VPS37C: variants seen among roughly 807,000 people sequenced by gnomAD.
VPS37C encodes the protein VPS37C subunit of ESCRT-I, also known as vacuolar protein sorting-associated protein 37C.
A neutral mutation model predicts 16.1 loss-of-function variants in VPS37C; 9 were observed. The ratio of observed to expected loss-of-function variants is 0.56; its 90% CI spans 0.34 to 0.97. VPS37C has a LOEUF of 0.97. VPS37C is among the 50% of genes least tolerant of loss of function. The pLI, the probability that VPS37C is intolerant of heterozygous loss-of-function variation, is 0.02. For synonymous variants in VPS37C, 207 were observed against 206.4 expected, an observed-to-expected ratio of 1.00 and a Z score of -0.02; for missense variants, 479 against 472.7, an observed-to-expected ratio of 1.01 and a Z score of -0.12.
chr11:61,149,262 G>C (rs1419649940), intron 1 of VPS37C, among the ~76,000 whole-genome samples: 1 of 152,100 alleles, frequency 6.6e-6, no homozygotes, highest in Non-Finnish European at 1.5e-5. Flanking sequence ...TCCCAGCCTC[G>C]GCGACAGAGC....
At chr11:61,152,407 G>T (rs551244580) in intron 1 of VPS37C, among the ~76,000 whole-genome samples, 49 of 152,224 alleles carry the variant, frequency 3.2e-4, no homozygotes, top group African/African-American at 1.2e-3. Context: ...CAAACAAAGG[G>T]TGGCAAAGCT....
intron 2 of VPS37C, among the ~76,000 whole-genome samples, chr11:61,135,737 T>C (rs1565191863): frequency 2.6e-5 from 4 of 152,330 alleles, no homozygotes; most frequent in African/African-American, 7.2e-5. Context: ...TAATTTTTAT[T>C]AGCCATGGAA....
chr11:61,154,656 A>G (rs1384071964), intron 1 of VPS37C, among the ~76,000 whole-genome samples: 2 of 152,240 alleles, frequency 1.3e-5, no homozygotes, highest in Admixed American at 6.5e-5. Flanking sequence ...GAATAAAAAA[A>G]ATATTTGCAG....
intron 2 of VPS37C, among the ~76,000 whole-genome samples, chr11:61,137,626 C>T (rs1590785928): frequency 6.6e-6 from 1 of 152,210 alleles, no homozygotes; most frequent in African/African-American, 2.4e-5. Context: ...CCTGGCAGAG[C>T]TCACAGCCTC....
intron 1 of VPS37C, among the ~76,000 whole-genome samples, chr11:61,154,911 C>A (rs949030351): frequency 1.3e-5 from 2 of 151,512 alleles, no homozygotes; most frequent in African/African-American, 2.4e-5. Flanking sequence ...TTTCGACCAC[C>A]CTGGGCAACA....
Position 61,141,779 on chromosome 11 carries a change from C to T in VPS37C, c.-6-2944G>A, listed in dbSNP as rs535628709. Among the ~76,000 whole-genome samples the T allele has an allele frequency of 8.5e-5, 13 of 152,380 alleles. No individual in the cohort carries two copies. The East Asian group carries it at 2.5e-3, about 29-fold the overall frequency. ...GCCACAGCAGCTGCACCCATATCGGCTCCACCCAAGGGGAGGCCCACCACT... is the reference window on the plus strand; with the variant it reads ...GCCACAGCAGCTGCACCCATATCGGTTCCACCCAAGGGGAGGCCCACCACT... On this transcript the variant is annotated intron_variant, in intron 1 of 4. Transcript: ENST00000301765.
At chr11:61,149,056 C>A (rs554177567) in intron 1 of VPS37C, among the ~76,000 whole-genome samples, 10 of 152,174 alleles carry the variant, frequency 6.6e-5, no homozygotes, top group African/African-American at 2.4e-4. Flanking sequence ...CCAAGGCGGG[C>A]GGACCACGAG....
At chr11:61,157,575 T>G (rs1462569478) in intron 1 of VPS37C, among the ~76,000 whole-genome samples, 3 of 152,238 alleles carry the variant, frequency 2.0e-5, no homozygotes, top group African/African-American at 7.2e-5. Flanking sequence ...TCACCCACTT[T>G]TGAATCGGGT....
At chr11:61,152,106 G>C (rs1269526934) in intron 1 of VPS37C, among the ~76,000 whole-genome samples, 1 of 152,156 alleles carries the variant, frequency 6.6e-6, no homozygotes. Context: ...CAAGAGGAAG[G>C]TCAAGGCAAA....
intron 2 of VPS37C, 59 bp downstream of exon 2, chr11:61,138,678 G>T: frequency 1.3e-6 from 2 of 1,501,978 alleles, no homozygotes; most frequent in Non-Finnish European, 9.2e-7. Flanking sequence ...CTTAAAAAGC[G>T]CCTCTTAACA....
intron 1 of VPS37C, among the ~76,000 whole-genome samples, chr11:61,148,846 C>A (rs940782699): frequency 2.0e-5 from 3 of 152,172 alleles, no homozygotes; most frequent in African/African-American, 7.2e-5. Context: ...TCAAGCAATC[C>A]ACCTCACTTC....
At chr11:61,148,211 G>A (rs748559283) in intron 1 of VPS37C, among the ~76,000 whole-genome samples, 8 of 152,112 alleles carry the variant, frequency 5.3e-5, no homozygotes, top group Admixed American at 2.0e-4. Flanking sequence ...GCTGAAGCAC[G>A]GCTCCCAGCA....
chr11:61,131,943 A>T lies in VPS37C; in HGVS notation c.945T>A (p.Pro315=). The change falls in exon 5 of 5, where the codon CCT becomes CCA. Residue 315 remains proline (P), a synonymous_variant. Coordinates refer to ENST00000301765, the MANE Select transcript of VPS37C (RefSeq NM_017966.5). ...TGGKPPYPIQ[P]QLPSFPGQPQ... ...GCTGGCCTGGAAAGCTGGGGAGCTGAGGCTGTATTGGGTAGGGAGGTTTTC... is the reference window on the plus strand; with the variant it reads ...GCTGGCCTGGAAAGCTGGGGAGCTGTGGCTGTATTGGGTAGGGAGGTTTTC... 1 of 1,295,018 alleles carries T rather than the reference A, an allele frequency of 7.7e-7. No homozygotes were observed. The highest frequency in any genetic ancestry group is 9.9e-7 in the Non-Finnish European group (1 of 1,014,770). The allele number at this position is 1,295,018 out of a possible 1,614,324, so 80.2% of individuals were successfully genotyped here.
At chr11:61,140,652 A>G (rs1565193176) in intron 1 of VPS37C, among the ~76,000 whole-genome samples, 1 of 152,306 alleles carries the variant, frequency 6.6e-6, no homozygotes, top group East Asian at 1.9e-4. Context: ...GGAGAGACTG[A>G]CACAGTTGGT....
intron 1 of VPS37C, among the ~76,000 whole-genome samples, chr11:61,156,753 A>G (rs57867814): frequency 0.04 from 6,075 of 152,270 alleles, 407 homozygotes; most frequent in African/African-American, 0.14. Flanking sequence ...AAAATTTACC[A>G]TTTTAATCAT....
At chr11:61,138,536 T>G in intron 2 of VPS37C, 1 of 564,888 alleles carries the variant, frequency 1.8e-6, no homozygotes, top group Non-Finnish European at 3.2e-6. Flanking sequence ...CAGGAGGCAG[T>G]GGACTCCCCA....
intron 1 of VPS37C, among the ~76,000 whole-genome samples, chr11:61,152,421 T>C (rs1169864964): frequency 1.3e-5 from 2 of 152,146 alleles, no homozygotes; most frequent in East Asian, 3.8e-4. Context: ...CAAAGCTGTA[T>C]CCATGACCAC....
chr11:61,144,908 C>T (rs984388194), intron 1 of VPS37C: 1 of 152,256 alleles, frequency 6.6e-6, no homozygotes, highest in East Asian at 1.9e-4. Flanking sequence ...ATGTGCCAGA[C>T]AAACATGTCC....
At position 61,132,187 on chromosome 11, in the gene VPS37C, G is replaced by T. The variant is rs1861277908; in HGVS notation, c.701C>A (p.Pro234His). ...GCCCAGAGGCCCGCTGTAGAAGGAG[G>T]GCTGGGACACTACTGGGAAAGGGGC... ...PPAPFPVVSQ[P>H]SFYSGPLGPT... The change falls in exon 5 of 5, where the codon CCC (proline) becomes CAC (histidine). Residue 234 changes from proline to histidine, a missense_variant. Physicochemically the swap from Pro to His is moderately conservative, Grantham distance 77 (BLOSUM62 -2). Transcript: ENST00000301765. The T allele has an allele frequency of 1.3e-6, 2 of 1,492,518 alleles. No homozygotes were observed. Among genetic ancestry groups the T allele is most frequent in the East Asian group, 2.4e-5 (1 of 42,044 alleles). 92.5% of individuals were successfully genotyped at this position (1,492,518 alleles called of 1,614,324 possible).
Sources: gnomAD v4.1 joint callset for allele counts (sites outside exome capture counted in the v4.1 genomes callset) on GRCh38, gnomAD v4.1.1 for gene constraint, MANE v1.5 for transcripts, NCBI Gene and HGNC (gene_info 2026-07-23, HGNC 2026-07-21) for gene names.